Variants in SGCZ observed in about 807,000 individuals in gnomAD.
The protein encoded by SGCZ is sarcoglycan zeta.
A neutral mutation model predicts 41.3 loss-of-function variants in SGCZ; 40 were observed. That is an observed-to-expected ratio of 0.97 (90% CI 0.75 to 1.26). The LOEUF is 1.26. SGCZ is among the 50% of genes most tolerant of loss of function. The pLI, the probability that SGCZ is intolerant of heterozygous loss-of-function variation, is 0.00. For synonymous variants in SGCZ, 206 were observed against 137.5 expected (o/e 1.50, Z -3.49); for missense variants, 552 against 369.8 (o/e 1.49, Z -4.04).
At chr8:14,409,362 T>C (rs1460013392) in intron 2 of SGCZ, among the ~76,000 whole-genome samples, 2 of 152,066 alleles carry the variant, frequency 1.3e-5, no homozygotes, top group Non-Finnish European at 2.9e-5. Flanking sequence ...TTAAAAAACT[T>C]AAAAAATGTA....
intron 2 of SGCZ, among the ~76,000 whole-genome samples, chr8:14,387,368 AC>A (rs1169195397): frequency 6.6e-6 from 1 of 152,208 alleles, no homozygotes; most frequent in Non-Finnish European, 1.5e-5. Flanking sequence ...ATGTTTCTGA[AC>A]AAAAAACTAA....
chr8:15,009,757 C>T (rs1802761817), intron 1 of SGCZ, among the ~76,000 whole-genome samples: 1 of 152,080 alleles, frequency 6.6e-6, no homozygotes, highest in Non-Finnish European at 1.5e-5. Context: ...GAGACCTATG[C>T]TTGTTTAGCA....
chr8:14,556,946 C>T (rs1804051954), intron 1 of SGCZ, among the ~76,000 whole-genome samples: 1 of 151,956 alleles, frequency 6.6e-6, no homozygotes, highest in Admixed American at 6.6e-5. Context: ...TGGGTAGGTA[C>T]TCAGTAGTGG....
At chr8:14,541,349 G>A (rs1193067261) in intron 2 of SGCZ, among the ~76,000 whole-genome samples, 5 of 151,874 alleles carry the variant, frequency 3.3e-5, no homozygotes, top group Non-Finnish European at 7.4e-5. Flanking sequence ...CCCTCCCTGT[G>A]TCCATGTGTT....
In SGCZ at chr8:15,063,002, G is replaced by C. The variant is rs1279702686; in HGVS notation, c.39+174583C>G. 3.9e-5 allele frequency among the ~76,000 whole-genome samples: 6 copies of C among 152,126 alleles called. No homozygotes were observed. The South Asian group carries it at 6.2e-4, about 16-fold the overall frequency. ...TTGTGTTTAAAATGGTACTCACAGT[G>C]TACCTGAGGATGACTTGAAGCCATT... On this transcript the variant is annotated intron_variant, in intron 1 of 7. Transcript: ENST00000382080.
intron 4 of SGCZ, among the ~76,000 whole-genome samples, chr8:14,171,970 T>C (rs1804396410): frequency 6.6e-6 from 1 of 152,164 alleles, no homozygotes; most frequent in African/African-American, 2.4e-5. Context: ...TACAATATCT[T>C]AGGCAACTGC....
intron 3 of SGCZ, among the ~76,000 whole-genome samples, chr8:14,298,427 T>A (rs1284777536): frequency 6.6e-6 from 1 of 151,856 alleles, no homozygotes; most frequent in Non-Finnish European, 1.5e-5. Flanking sequence ...ACAAGATAAT[T>A]TACAGAAAAA....
chr8:14,547,250 C>G (rs529474216), intron 2 of SGCZ, among the ~76,000 whole-genome samples: 3 of 152,140 alleles, frequency 2.0e-5, no homozygotes, highest in Non-Finnish European at 4.4e-5. Flanking sequence ...GTAAGTATTA[C>G]ATTTTTCAAG....
chr8:14,490,962 G>A (rs145224071), intron 2 of SGCZ, among the ~76,000 whole-genome samples: 24 of 152,190 alleles, frequency 1.6e-4, no homozygotes, highest in African/African-American at 4.1e-4. Flanking sequence ...TTTATATACC[G>A]ATATTCATCA....
At chr8:14,811,922 A>G (rs1411655293) in intron 1 of SGCZ, among the ~76,000 whole-genome samples, 4 of 151,968 alleles carry the variant, frequency 2.6e-5, no homozygotes, top group South Asian at 4.1e-4. Context: ...AATTATAACT[A>G]TTTTCTGCAT....
chr8:14,418,021 T>G (rs1012664030), intron 2 of SGCZ, among the ~76,000 whole-genome samples: 4 of 151,804 alleles, frequency 2.6e-5, no homozygotes, highest in African/African-American at 9.7e-5. Flanking sequence ...TCCTGATCCT[T>G]TTGTACCAGT....
intron 1 of SGCZ, among the ~76,000 whole-genome samples, chr8:14,987,340 T>C (rs1165621390): frequency 4.6e-5 from 7 of 151,938 alleles, no homozygotes; most frequent in African/African-American, 1.4e-4. Flanking sequence ...AATGAATTCA[T>C]TTCAAATATC....
At chr8:15,172,168 T>TG (rs979047830) in intron 1 of SGCZ, among the ~76,000 whole-genome samples, 1 of 129,618 alleles carries the variant, frequency 7.7e-6, no homozygotes, top group African/African-American at 2.9e-5. Flanking sequence ...TTTTTTTTTT[T>TG]TTTTTTTTTT....
intron 5 of SGCZ, among the ~76,000 whole-genome samples, chr8:14,141,233 A>AGGCAT (rs1803359918): frequency 6.6e-6 from 1 of 151,848 alleles, no homozygotes; most frequent in Non-Finnish European, 1.5e-5. Flanking sequence ...AAGGAAACCT[A>AGGCAT]TACCATTCAG....
At chr8:15,035,588 T>C (rs778165449) in intron 1 of SGCZ, among the ~76,000 whole-genome samples, 1 of 151,984 alleles carries the variant, frequency 6.6e-6, no homozygotes, top group South Asian at 2.1e-4. Flanking sequence ...GACCGAACAA[T>C]ATGCTGCCTA....
intron 1 of SGCZ, among the ~76,000 whole-genome samples, chr8:15,228,195 G>C (rs759126485): frequency 1.3e-5 from 2 of 152,144 alleles, no homozygotes; most frequent in East Asian, 3.9e-4. Flanking sequence ...AATGAAAGCA[G>C]GTTTGTATTG....
chr8:15,104,277 C>T (rs1806730836), intron 1 of SGCZ, among the ~76,000 whole-genome samples: 1 of 152,134 alleles, frequency 6.6e-6, no homozygotes, highest in African/African-American at 2.4e-5. Context: ...AATACAGTCT[C>T]TTATACAGGA....
intron 1 of SGCZ, among the ~76,000 whole-genome samples, chr8:14,986,755 G>C (rs1044191864): frequency 6.6e-5 from 10 of 151,948 alleles, no homozygotes; most frequent in Non-Finnish European, 1.3e-4. Context: ...CCATGTAAAA[G>C]TGAGCTGGAG....
intron 1 of SGCZ, among the ~76,000 whole-genome samples, chr8:15,168,061 G>C (rs950586667): frequency 1.3e-5 from 2 of 152,078 alleles, no homozygotes; most frequent in Non-Finnish European, 2.9e-5. Context: ...TATGTCACAA[G>C]ACATCCTTTC....
Sources: gnomAD v4.1 joint callset for allele counts (sites outside exome capture counted in the v4.1 genomes callset) on GRCh38, gnomAD v4.1.1 for gene constraint, MANE v1.5 for transcripts, NCBI Gene and HGNC (gene_info 2026-07-23, HGNC 2026-07-21) for gene names.